The following ANXA4 variants were observed in gnomAD, a reference collection of about 807,000 sequenced individuals.
ANXA4 encodes 35-beta calcimedin.
Under a neutral mutation model 49.8 loss-of-function variants are expected in ANXA4, and 39 were observed. That is an observed-to-expected ratio of 0.78 (90% CI 0.61 to 1.02). The LOEUF (loss-of-function observed/expected upper bound fraction) is 1.02, where lower values mean the gene tolerates loss of function less well. Among genes scored for constraint, ANXA4 ranks in the 50% least tolerant of loss-of-function variants. The probability of loss-of-function intolerance (pLI) is 0.00; values close to 1 mark genes in which losing one functional copy is unlikely to be tolerated. For synonymous variants in ANXA4, 134 were observed against 152.5 expected, an observed-to-expected ratio of 0.88 and a Z score of 0.89; for missense variants, 360 against 410.1, an observed-to-expected ratio of 0.88 and a Z score of 1.05.
chr2:69,715,217 A>C (rs1678839372), intron 2 of ANXA4, among the ~76,000 whole-genome samples: 3 of 151,982 alleles, frequency 2.0e-5, no homozygotes, highest in Non-Finnish European at 4.4e-5. Flanking sequence ...TATTTTATTT[A>C]TTTATTTTTT....
upstream of ANXA4, chr2:69,643,862 C>T (rs1675880507): frequency 1.2e-5 from 14 of 1,178,320 alleles, no homozygotes; most frequent in Admixed American, 4.6e-5. Context: ...CTCCTGCAAC[C>T]GCCGTTCTGT....
chr2:69,734,823 A>T (rs751554979), intron 3 of ANXA4, among the ~76,000 whole-genome samples: 1 of 152,206 alleles, frequency 6.6e-6, no homozygotes, highest in African/African-American at 2.4e-5. Context: ...AGTAGTGTCA[A>T]CTTGAGTATA....
intron 2 of ANXA4, among the ~76,000 whole-genome samples, chr2:69,680,660 A>G (rs1311580875): frequency 6.6e-6 from 1 of 152,116 alleles, no homozygotes; most frequent in African/African-American, 2.4e-5. Flanking sequence ...GGCCTTTAGT[A>G]TGTTGAGGTA....
intron 3 of ANXA4, among the ~76,000 whole-genome samples, chr2:69,794,477 G>A (rs1672832725): frequency 6.6e-6 from 1 of 151,956 alleles, no homozygotes; most frequent in African/African-American, 2.4e-5. Flanking sequence ...TTTCCCCATG[G>A]AAAGACTGAG....
intron 3 of ANXA4, among the ~76,000 whole-genome samples, chr2:69,735,421 TA>T (rs990945348): frequency 9.2e-5 from 14 of 152,110 alleles, no homozygotes; most frequent in African/African-American, 3.1e-4. Flanking sequence ...AAAAGGAGCC[TA>T]AAAATCTATC....
intron 2 of ANXA4, among the ~76,000 whole-genome samples, chr2:69,682,864 T>C (rs1677647153): frequency 6.6e-6 from 1 of 152,216 alleles, no homozygotes; most frequent in Non-Finnish European, 1.5e-5. Flanking sequence ...CAAAATGCTG[T>C]CAGTGTTTAT....
rs868073182 is a variant in ANXA4, at chr2:69,763,718, A to G, written c.-46-17802A>G. On this transcript the variant is annotated intron_variant, in intron 1 of 12. Transcript: ENST00000394295. ...CGCTCTGTTGCCCAGGCTGGAGTGCAGTGGCGTGATCTCGTCTCACTGCAA... is the reference window on the plus strand; with the variant it reads ...CGCTCTGTTGCCCAGGCTGGAGTGCGGTGGCGTGATCTCGTCTCACTGCAA... Among the ~76,000 whole-genome samples the G allele has an allele frequency of 4.1e-5, 6 of 146,176 alleles. No homozygotes were observed. In the Middle Eastern group the frequency reaches 0.022, roughly 545 times the overall value.
chr2:69,742,810 G>A (rs1486109604), intron 1 of ANXA4, among the ~76,000 whole-genome samples: 2 of 152,094 alleles, frequency 1.3e-5, no homozygotes, highest in African/African-American at 4.8e-5. Flanking sequence ...AGTGACCCCC[G>A]GGGCAATGCA....
At chr2:69,791,218 G>A (rs1672678334) in intron 3 of ANXA4, among the ~76,000 whole-genome samples, 1 of 152,140 alleles carries the variant, frequency 6.6e-6, no homozygotes, top group Non-Finnish European at 1.5e-5. Flanking sequence ...CTCACTGCAG[G>A]TCAGGAACCC....
At chr2:69,686,430 A>G (rs1410692278) in intron 2 of ANXA4, among the ~76,000 whole-genome samples, 1 of 151,922 alleles carries the variant, frequency 6.6e-6, no homozygotes, top group African/African-American at 2.4e-5. Context: ...TGATCTGCCC[A>G]AAGTGCTGGA....
chr2:69,771,575 A>G (rs2105560019), intron 1 of ANXA4, among the ~76,000 whole-genome samples: 1 of 152,346 alleles, frequency 6.6e-6, no homozygotes, highest in East Asian at 1.9e-4. Context: ...AGGAGAATGC[A>G]CCACACTGTT....
chr2:69,815,910 A>G (rs780884622), intron 8 of ANXA4, 191 bp from the exon 9 acceptor site: 6 of 566,902 alleles, frequency 1.1e-5, no homozygotes, highest in Non-Finnish European at 1.9e-5. Context: ...CCAGGGGGGT[A>G]TGACAGGGTC....
At chr2:69,713,587 A>G (rs1478805851) in intron 2 of ANXA4, 1 of 152,220 alleles carries the variant, frequency 6.6e-6, no homozygotes, top group Admixed American at 6.5e-5. Flanking sequence ...TTGAGACTTT[A>G]ACATTCAGTC....
chr2:69,691,715 G>A (rs1343902739), intron 2 of ANXA4, among the ~76,000 whole-genome samples: 1 of 152,184 alleles, frequency 6.6e-6, no homozygotes, highest in Non-Finnish European at 1.5e-5. Context: ...AGGAGGGCTG[G>A]AGTGAGCCTT....
intron 2 of ANXA4, among the ~76,000 whole-genome samples, chr2:69,686,132 C>G (rs1328479922): frequency 1.3e-5 from 2 of 152,090 alleles, no homozygotes; most frequent in African/African-American, 2.4e-5. Flanking sequence ...TGTAATTTAA[C>G]TTTAATTTTT....
chr2:69,767,659 G>C (rs11888815), intron 1 of ANXA4, among the ~76,000 whole-genome samples: 8,419 of 152,290 alleles, frequency 0.055, 715 homozygotes, highest in Admixed American at 0.21. Flanking sequence ...ATGGCCACCA[G>C]CCTTGTACTA....
chr2:69,810,584 C>G lies in ANXA4; in HGVS notation c.398-10C>G. The G allele has an allele frequency of 6.2e-7, 1 of 1,612,600 alleles. No homozygotes were observed. The highest frequency in any genetic ancestry group is 8.5e-7 in the Non-Finnish European group (1 of 1,178,648). Reference sequence around the variant, plus strand: ...TAATTCTGAAGTAGCTAATTTCACTCTCTTGCTAGAATATGGACGGAGCCT... The same window carrying G: ...TAATTCTGAAGTAGCTAATTTCACTGTCTTGCTAGAATATGGACGGAGCCT... On this transcript the variant is annotated splice_polypyrimidine_tract_variant and intron_variant, in intron 6 of 12. Transcript: ENST00000394295.
chr2:69,802,341 AG>A (rs1474624010), intron 3 of ANXA4, among the ~76,000 whole-genome samples: 4 of 152,256 alleles, frequency 2.6e-5, no homozygotes, highest in Non-Finnish European at 4.4e-5. Flanking sequence ...AAAGAGTGAA[AG>A]AATGCAAAAG....
At chr2:69,711,037 T>C (rs1678661520) in intron 2 of ANXA4, among the ~76,000 whole-genome samples, 1 of 152,096 alleles carries the variant, frequency 6.6e-6, no homozygotes, top group Non-Finnish European at 1.5e-5. Context: ...TAATTAATAA[T>C]AGCCCAAACT....
Sources: allele counts gnomAD v4.1 joint callset (sites outside exome capture counted in the v4.1 genomes callset), GRCh38; gene constraint gnomAD v4.1.1; transcripts MANE v1.5; gene names NCBI Gene and HGNC (gene_info 2026-07-23, HGNC 2026-07-21).